Variants in AMPH observed in about 807,000 individuals in gnomAD.
The protein encoded by AMPH is amphiphysin (Stiff-Mann syndrome with breast cancer 128kD autoantigen).
Under a neutral mutation model 99.1 loss-of-function variants are expected in AMPH, and 49 were observed. The observed-to-expected ratio is 0.49, with a 90% CI of 0.39 to 0.63. The LOEUF is 0.63. Ranked by LOEUF, AMPH falls within the 20% of genes least tolerant of loss-of-function variation. The probability of loss-of-function intolerance (pLI) is 0.00; values close to 1 mark genes in which losing one functional copy is unlikely to be tolerated. For missense variants in AMPH, 759 were observed against 863.4 expected, an observed-to-expected ratio of 0.88 and a Z score of 1.52; for synonymous variants, 314 against 317.3, an observed-to-expected ratio of 0.99 and a Z score of 0.11.
chr7:38,578,852 T>C (rs1792343346), intron 1 of AMPH, among the ~76,000 whole-genome samples: 1 of 152,130 alleles, frequency 6.6e-6, no homozygotes, highest in Admixed American at 6.5e-5. Flanking sequence ...ATTTTAATGG[T>C]TTTTTCTTAC....
chr7:38,429,060 T>G, intron 14 of AMPH: 1 of 1,290,458 alleles, frequency 7.7e-7, no homozygotes, highest in Non-Finnish European at 1.0e-6. Flanking sequence ...GTCTACCTTT[T>G]GACACGCCTC....
At chr7:38,492,012 T>G (rs1323503861) in intron 4 of AMPH, among the ~76,000 whole-genome samples, 1 of 152,200 alleles carries the variant, frequency 6.6e-6, no homozygotes, top group East Asian at 1.9e-4. Flanking sequence ...TTCAGGCAAA[T>G]AGCAGGTACT....
intron 17 of AMPH, among the ~76,000 whole-genome samples, chr7:38,395,478 A>G (rs76551195): frequency 0.058 from 8,836 of 152,304 alleles, 359 homozygotes; most frequent in East Asian, 0.19. Context: ...AATAAAGGAA[A>G]TGCAATCAGA....
chr7:38,550,683 C>A, intron 1 of AMPH, among the ~76,000 whole-genome samples: 1 of 152,130 alleles, frequency 6.6e-6, no homozygotes, highest in Admixed American at 6.5e-5. Context: ...TTTATCATCC[C>A]TCCTCCCTCT....
At chr7:38,536,929 A>G (rs1790628292) in intron 1 of AMPH, among the ~76,000 whole-genome samples, 1 of 152,200 alleles carries the variant, frequency 6.6e-6, no homozygotes. Flanking sequence ...GACTATAACT[A>G]TGTTAAAAAG....
intron 2 of AMPH, among the ~76,000 whole-genome samples, chr7:38,523,374 G>C (rs1049304066): frequency 1.3e-5 from 2 of 152,094 alleles, no homozygotes; most frequent in African/African-American, 4.8e-5. Context: ...AAAGAAACCA[G>C]GATTTCTTGG....
intron 1 of AMPH, among the ~76,000 whole-genome samples, chr7:38,564,026 G>A (rs79349513): frequency 4.6e-5 from 7 of 152,210 alleles, no homozygotes; most frequent in South Asian, 4.1e-4. Flanking sequence ...CACTTGGGTC[G>A]CTTCCAACTT....
chr7:38,461,314 A>T lies in AMPH; in HGVS notation c.986T>A (p.Val329Asp). 1 of 1,614,076 alleles carries T rather than the reference A, an allele frequency of 6.2e-7. No individual in the cohort carries two copies. Among genetic ancestry groups the T allele is most frequent in the East Asian group, 2.2e-5 (1 of 44,882 alleles). Residue 329 changes from valine to aspartate, a missense_variant, in exon 11 of 21, where the codon GTT becomes GAT. Transcript: ENST00000356264. ...NIISFFEDNF[V>D]PEISVTTPSQ... ...AGGTGTTGTCACACTGATTTCTGGA[A>T]CAAAGTTGTCCTCAAAGAAACTGAT...
chr7:38,477,770 G>T, intron 5 of AMPH, among the ~76,000 whole-genome samples: 1 of 151,932 alleles, frequency 6.6e-6, no homozygotes, highest in Non-Finnish European at 1.5e-5. Flanking sequence ...TCTACCCACA[G>T]GTGCAAGCAA....
At chr7:38,470,550 T>C (rs779315066) in intron 7 of AMPH, among the ~76,000 whole-genome samples, 1 of 152,162 alleles carries the variant, frequency 6.6e-6, no homozygotes. Context: ...TGATTAATTT[T>C]TGGAAGGCTT....
intron 1 of AMPH, among the ~76,000 whole-genome samples, chr7:38,587,242 C>T (rs777854718): frequency 6.6e-6 from 1 of 152,208 alleles, no homozygotes; most frequent in Admixed American, 6.5e-5. Flanking sequence ...TACTTCAAAG[C>T]ACCTTTAATA....
At chr7:38,518,656 C>A (rs1789841096) in intron 2 of AMPH, among the ~76,000 whole-genome samples, 1 of 152,156 alleles carries the variant, frequency 6.6e-6, no homozygotes. Flanking sequence ...AAGTAGATAA[C>A]TTGTTTTGAT....
intron 2 of AMPH, among the ~76,000 whole-genome samples, chr7:38,530,062 A>G (rs1790336965): frequency 6.6e-6 from 1 of 152,190 alleles, no homozygotes; most frequent in Admixed American, 6.5e-5. Flanking sequence ...CATCTCTTCC[A>G]TCCCAGAAAT....
chr7:38,537,172 A>T (rs936708450), intron 1 of AMPH, among the ~76,000 whole-genome samples: 4 of 152,186 alleles, frequency 2.6e-5, no homozygotes, highest in East Asian at 1.9e-4. Context: ...CAGCAAAAAA[A>T]ATTCCCATCA....
At chr7:38,589,598 C>T (rs573466876) in intron 1 of AMPH, among the ~76,000 whole-genome samples, 1 of 152,286 alleles carries the variant, frequency 6.6e-6, no homozygotes, top group South Asian at 2.1e-4. Context: ...CTAGTTATTT[C>T]ATCACAACAA....
Position 38,465,526 on chromosome 7 carries a change from C to G in AMPH, c.690G>C (p.Val230=), listed in dbSNP as rs1018784443. 1 of 1,584,368 alleles carries G rather than the reference C, an allele frequency of 6.3e-7. No individual in the cohort carries two copies. The highest frequency in any genetic ancestry group is 2.3e-5 in the East Asian group (1 of 44,156). ...CGTGCTGGTCACCCAGTTTTGTCATCACTTCATACAGTTTGTGGCAAAGCT... is the reference window on the plus strand; with the variant it reads ...CGTGCTGGTCACCCAGTTTTGTCATGACTTCATACAGTTTGTGGCAAAGCT... The part of the protein sequence containing the change: ...IAVLCHKLYE[V]MTKLGDQHAD... The change falls in exon 9 of 21, where the codon GTG becomes GTC. Residue 230 remains valine (V), a synonymous_variant. Transcript: ENST00000356264.
intron 1 of AMPH, among the ~76,000 whole-genome samples, chr7:38,622,721 A>G (rs1314685016): frequency 6.6e-6 from 1 of 152,200 alleles, no homozygotes; most frequent in East Asian, 1.9e-4. Flanking sequence ...ACTATGAGCA[A>G]ATCTTGGGGG....
chr7:38,482,963 A>C (rs1788347526), intron 5 of AMPH, among the ~76,000 whole-genome samples: 1 of 152,006 alleles, frequency 6.6e-6, no homozygotes, highest in Non-Finnish European at 1.5e-5. Context: ...ACACCCAGAA[A>C]CTCGTTGAAT....
At chr7:38,480,751 G>T (rs559240548) in intron 5 of AMPH, among the ~76,000 whole-genome samples, 4 of 152,204 alleles carry the variant, frequency 2.6e-5, no homozygotes, top group Non-Finnish European at 4.4e-5. Flanking sequence ...AGGTGACAAG[G>T]CTCATTACTT....
Sources: gnomAD v4.1 joint callset for allele counts (sites outside exome capture counted in the v4.1 genomes callset) on GRCh38, gnomAD v4.1.1 for gene constraint, MANE v1.5 for transcripts, NCBI Gene and HGNC (gene_info 2026-07-23, HGNC 2026-07-21) for gene names.